The following BRCA1 variants were observed in gnomAD, a reference collection of about 807,000 sequenced individuals.
The protein encoded by BRCA1 is BRCA1 DNA repair associated.
Under a neutral mutation model 173.7 loss-of-function variants are expected in BRCA1, and 140 were observed. The ratio of observed to expected loss-of-function variants is 0.81; its 90% CI spans 0.70 to 0.93. The LOEUF is 0.93. Among genes scored for constraint, BRCA1 ranks in the 40% least tolerant of loss-of-function variants. The probability of loss-of-function intolerance (pLI) is 0.00; values close to 1 mark genes in which losing one functional copy is unlikely to be tolerated. For missense variants in BRCA1, 1,983 were observed against 2,172.5 expected, an observed-to-expected ratio of 0.91 and a Z score of 1.73; for synonymous variants, 662 against 756.0, an observed-to-expected ratio of 0.88 and a Z score of 2.04.
intron 11 of BRCA1, among the ~76,000 whole-genome samples, chr17:43,085,806 A>G (rs1169309182): frequency 6.6e-6 from 1 of 152,160 alleles, no homozygotes; most frequent in African/African-American, 2.4e-5. Context: ...AGCAGAGTGT[A>G]TATCTGACCC....
chr17:43,094,051 G>A lies in BRCA1; in HGVS notation c.1480C>T (p.Gln494Ter), dbSNP rs80357010. The A allele has an allele frequency of 6.2e-7, 1 of 1,614,058 alleles. No individual in the cohort carries two copies. The highest frequency in any genetic ancestry group is 2.2e-5 in the East Asian group (1 of 44,872). ...AATTTATTTGTGAGGGGACGCTCTT[G>A]TATTATCTGTGGCTCAGTAACAAAT... The part of the protein sequence containing the change: ...GAFVTEPQII[Q>*]ERPLTNKLKR... Residue 494 changes from glutamine to a stop codon, truncating the protein, a stop_gained, in exon 10 of 23, where the codon CAA becomes TAA. Transcript: ENST00000357654. LOFTEE classifies it high-confidence loss of function.
chr17:43,044,804 CTTTTTTTTTTT>C lies in BRCA1; in HGVS notation c.*863_*873del, dbSNP rs59541324. 2.6e-5 allele frequency: 10 copies of C among 381,508 alleles called. No individual in the cohort carries two copies. In the Admixed American group the frequency reaches 2.9e-4, roughly 11 times the overall value. 23.6% of individuals were successfully genotyped at this position (381,508 alleles called of 1,614,324 possible). On this transcript the variant is annotated 3_prime_UTR_variant, in exon 23 of 23. Coordinates refer to ENST00000357654, the MANE Select transcript of BRCA1 (RefSeq NM_007294.4). The stretch of plus-strand genomic sequence containing the variant: ...AGAAATCTCTTCTAGTTTCATTTTC[CTTTTTTTTTTT>C]TTTTTTTTGAGCCACAGTCTCACTG...
intron 1 of BRCA1, among the ~76,000 whole-genome samples, chr17:43,142,946 ATATAT>A (rs2056086484): frequency 6.9e-6 from 1 of 144,242 alleles, no homozygotes; most frequent in Admixed American, 7.1e-5. Context: ...GTGTGTATAT[ATATAT>A]GTGTGTGTGT....
At chr17:43,054,026 G>A (rs2051359177) in intron 19 of BRCA1, among the ~76,000 whole-genome samples, 1 of 151,516 alleles carries the variant, frequency 6.6e-6, no homozygotes, top group Non-Finnish European at 1.5e-5. Flanking sequence ...TTCTCTTCCA[G>A]AGAAAAATAC....
chr17:43,056,815 G>A (rs1011264366), intron 19 of BRCA1, among the ~76,000 whole-genome samples: 7 of 152,190 alleles, frequency 4.6e-5, no homozygotes, highest in East Asian at 1.9e-4. Context: ...AACCCGAGAC[G>A]GGAATCCAAA....
At chr17:43,127,167 G>A (rs1032184234), upstream of BRCA1, among the ~76,000 whole-genome samples, 5 of 152,358 alleles carry the variant, frequency 3.3e-5, no homozygotes, top group South Asian at 2.1e-4. Context: ...GCTCCTCAGC[G>A]CCCGGTCCCA....
chr17:43,135,530 C>G (rs2056012501), intron 1 of BRCA1, among the ~76,000 whole-genome samples: 1 of 152,176 alleles, frequency 6.6e-6, no homozygotes, highest in Non-Finnish European at 1.5e-5. Flanking sequence ...GAAGTCCAGG[C>G]CTAGTGTAGG....
At chr17:43,146,712 A>G (rs1037360763) in intron 1 of BRCA1, among the ~76,000 whole-genome samples, 1 of 152,112 alleles carries the variant, frequency 6.6e-6, no homozygotes, top group African/African-American at 2.4e-5. Context: ...AAAAATAAGT[A>G]ATTTTACAGG....
At chr17:43,052,485 G>C (rs1295796628) in intron 19 of BRCA1, among the ~76,000 whole-genome samples, 1 of 152,008 alleles carries the variant, frequency 6.6e-6, no homozygotes, top group African/African-American at 2.4e-5. Flanking sequence ...CATGTGGCTG[G>C]TGGCAACAGT....
intron 2 of BRCA1, among the ~76,000 whole-genome samples, chr17:43,120,968 G>C (rs2055530339): frequency 6.6e-6 from 1 of 152,030 alleles, no homozygotes; most frequent in Admixed American, 6.6e-5. Context: ...GGAGGCTGAG[G>C]CAGGAGAAGC....
chr17:43,058,570 C>T (rs530652786), intron 18 of BRCA1, among the ~76,000 whole-genome samples: 36 of 152,232 alleles, frequency 2.4e-4, no homozygotes, highest in Non-Finnish European at 5.1e-4. Context: ...GGCTTTTCAC[C>T]TCACTGGGAC....
intron 1 of BRCA1, chr17:43,139,883 A>G: frequency 2.1e-6 from 1 of 472,424 alleles, no homozygotes; most frequent in Non-Finnish European, 4.4e-6. Context: ...GTTCTTTTTT[A>G]TGATTGCACA....
chr17:43,076,741 T>C, intron 12 of BRCA1, 127 bp from the exon 13 acceptor site: 1 of 1,055,146 alleles, frequency 9.5e-7, no homozygotes, highest in South Asian at 1.4e-5. Context: ...TAAACAAGTA[T>C]ATCAGGCAGA....
chr17:43,051,064 T>C lies in BRCA1; in HGVS notation c.5331A>G (p.Thr1777=), dbSNP rs1411246255. The C allele has an allele frequency of 1.9e-6, 3 of 1,613,906 alleles. No homozygotes were observed. The South Asian group carries it at 3.3e-5, about 18-fold the overall frequency. The stretch of plus-strand genomic sequence containing the variant: ...TCTGGGGTTCTCCCAGGCTCTTACC[T>C]GTGGGCATGTTGGTGAAGGGCCCAT... ...CCYGPFTNMP[T]DQLEWMVQLC... Residue 1777 remains threonine (T), a splice_region_variant and synonymous_variant, in exon 20 of 23, where the codon ACA becomes ACG. Coordinates refer to ENST00000357654, the MANE Select transcript of BRCA1 (RefSeq NM_007294.4).
intron 1 of BRCA1, chr17:43,166,826 C>A (rs1233861390): frequency 6.6e-6 from 1 of 152,150 alleles, no homozygotes; most frequent in African/African-American, 2.4e-5. Context: ...GGTGATCAGG[C>A]CACACTTCCA....
rs2152475848 is a variant in BRCA1 at position 43,045,676 on chromosome 17, A to T, written c.*2T>A. On this transcript the variant is annotated 3_prime_UTR_variant, in exon 23 of 23. Transcript: ENST00000357654. ...TGGCTCTGTACCTGTGGCTGGCTGCAGTCAGTAGTGGCTGTGGGGGATCTG... is the reference window on the plus strand; with the variant it reads ...TGGCTCTGTACCTGTGGCTGGCTGCTGTCAGTAGTGGCTGTGGGGGATCTG... 6.2e-7 allele frequency: 1 copy of T among 1,613,726 alleles called. No individual in the cohort carries two copies. The highest frequency in any genetic ancestry group is 8.5e-7 in the Non-Finnish European group (1 of 1,179,718).
At chr17:43,112,724 G>A (rs1349809111) in intron 3 of BRCA1, 1 of 49,574 alleles carries the variant, frequency 2.0e-5, no homozygotes, top group Non-Finnish European at 3.4e-5. Context: ...TCACAATCCT[G>A]ACTATCACAA....
chr17:43,080,208 A>G (rs1357690771), intron 12 of BRCA1, among the ~76,000 whole-genome samples: 1 of 152,240 alleles, frequency 6.6e-6, no homozygotes, highest in Non-Finnish European at 1.5e-5. Flanking sequence ...ATAAACTTAC[A>G]GACTGCCCAC....
intron 1 of BRCA1, among the ~76,000 whole-genome samples, chr17:43,140,743 G>A (rs1447330071): frequency 6.6e-6 from 1 of 152,122 alleles, no homozygotes; most frequent in African/African-American, 2.4e-5. Context: ...TAGTCTAGGA[G>A]CCCTTTGAGG....
Sources: allele counts gnomAD v4.1 joint callset (sites outside exome capture counted in the v4.1 genomes callset), GRCh38; gene constraint gnomAD v4.1.1; transcripts MANE v1.5; gene names NCBI Gene and HGNC (gene_info 2026-07-23, HGNC 2026-07-21).